The following YEATS4 variants were observed in gnomAD, a reference collection of about 807,000 sequenced individuals.
YEATS4 encodes YEATS domain-containing protein 4.
A neutral mutation model predicts 30.1 loss-of-function variants in YEATS4; 17 were observed. The ratio of observed to expected loss-of-function variants is 0.56; its 90% CI spans 0.39 to 0.85. The LOEUF (loss-of-function observed/expected upper bound fraction) is 0.85, where lower values mean the gene tolerates loss of function less well. Ranked by LOEUF, YEATS4 falls within the 40% of genes least tolerant of loss-of-function variation. The pLI, the probability that YEATS4 is intolerant of heterozygous loss-of-function variation, is 0.00. For synonymous variants in YEATS4, 85 were observed against 87.5 expected (o/e 0.97, Z 0.16); for missense variants, 142 against 268.3 (o/e 0.53, Z 3.29).
chr12:69,366,257 T>C (rs1369084290), intron 4 of YEATS4, among the ~76,000 whole-genome samples: 1 of 152,206 alleles, frequency 6.6e-6, no homozygotes, highest in Non-Finnish European at 1.5e-5. Flanking sequence ...AACAGTGTTT[T>C]TGCTTTTTTA....
rs140092132 is a variant in YEATS4 at position 69,379,245 on chromosome 12, T to G, written c.514+8270T>G. 4.8e-3 allele frequency among the ~76,000 whole-genome samples: 738 copies of G among 152,318 alleles called. 4 individuals carry two copies. The highest frequency in any genetic ancestry group is 0.017 in the African/African-American group (708 of 41,574). ...TATAAACTGCCTTGAGGTAGTCTTC[T>G]GTGTGTTAAATCTCCTTGGTGTTCT... On this transcript the variant is annotated intron_variant, in intron 6 of 6. Transcript: ENST00000247843.
the YEATS4 span, among the ~76,000 whole-genome samples, chr12:69,406,327 G>A: frequency 2.0e-5 from 3 of 152,044 alleles, no homozygotes; most frequent in Admixed American, 6.6e-5. Context: ...TTTTGTTTAA[G>A]TATTTTGTTT....
At chr12:69,425,453 A>G in the YEATS4 span, among the ~76,000 whole-genome samples, 1 of 152,182 alleles carries the variant, frequency 6.6e-6, no homozygotes, top group Non-Finnish European at 1.5e-5. Context: ...CTGCTTGCAG[A>G]ATGGACAGCT....
the YEATS4 span, among the ~76,000 whole-genome samples, chr12:69,399,650 G>C: frequency 6.6e-6 from 1 of 152,120 alleles, no homozygotes; most frequent in South Asian, 2.1e-4. Flanking sequence ...ATATACCCAG[G>C]AGAATTGAAA....
chr12:69,418,095 C>T, the YEATS4 span, among the ~76,000 whole-genome samples: 2 of 152,098 alleles, frequency 1.3e-5, no homozygotes, highest in African/African-American at 4.8e-5. Context: ...GGGATTGTCT[C>T]CTATTTGGGA....
intron 1 of YEATS4, among the ~76,000 whole-genome samples, chr12:69,360,254 TA>T (rs1470696511): frequency 6.6e-6 from 1 of 151,918 alleles, no homozygotes; most frequent in Non-Finnish European, 1.5e-5. Context: ...AACAAACAGA[TA>T]AATGGTGGCT....
the YEATS4 span, among the ~76,000 whole-genome samples, chr12:69,417,152 AAAT>A: frequency 8.3e-6 from 1 of 120,958 alleles, no homozygotes; most frequent in South Asian, 3.1e-4. Flanking sequence ...CATTTTTTAA[AAAT>A]TTTTTTTTTT....
the YEATS4 span, among the ~76,000 whole-genome samples, chr12:69,396,461 G>A: frequency 1.3e-5 from 2 of 152,078 alleles, no homozygotes; most frequent in African/African-American, 2.4e-5. Flanking sequence ...AAATCAACTG[G>A]GAAACAAACT....
chr12:69,401,548 A>C, the YEATS4 span, among the ~76,000 whole-genome samples: 1 of 152,170 alleles, frequency 6.6e-6, no homozygotes, highest in South Asian at 2.1e-4. Context: ...GGAGTCCTGG[A>C]AGGACATGCC....
the YEATS4 span, among the ~76,000 whole-genome samples, chr12:69,425,722 A>G: frequency 6.6e-6 from 1 of 152,108 alleles, no homozygotes; most frequent in Non-Finnish European, 1.5e-5. Context: ...GACCAAAGAG[A>G]GACAGGAGGT....
chr12:69,417,436 A>G, the YEATS4 span, among the ~76,000 whole-genome samples: 4 of 152,106 alleles, frequency 2.6e-5, no homozygotes, highest in Non-Finnish European at 5.9e-5. Context: ...CTGGGATTAC[A>G]CATGTGAGCC....
chr12:69,408,352 C>T, the YEATS4 span, among the ~76,000 whole-genome samples: 22 of 152,134 alleles, frequency 1.4e-4, no homozygotes, highest in East Asian at 2.1e-3. Context: ...GTGTGGATGA[C>T]GGGAGAGAGA....
At chr12:69,388,909 C>G (rs1340406119) in intron 6 of YEATS4, among the ~76,000 whole-genome samples, 1 of 152,096 alleles carries the variant, frequency 6.6e-6, no homozygotes. Flanking sequence ...TTGCAGTGAG[C>G]CAAGATCACA....
At position 69,370,805 on chromosome 12, in the gene YEATS4, A is replaced by G; in HGVS notation, c.426+7A>G. On this transcript the variant is annotated splice_region_variant and intron_variant, in intron 5 of 6. Transcript: ENST00000247843. ...AGAGTTCTATGATGAAATGGTAAGAAGATTTTATAATGATAGTTTTAAAAG... is the reference window on the plus strand; with the variant it reads ...AGAGTTCTATGATGAAATGGTAAGAGGATTTTATAATGATAGTTTTAAAAG... The G allele has an allele frequency of 6.3e-7, 1 of 1,596,074 alleles. No homozygotes were observed. Among genetic ancestry groups the G allele is most frequent in the South Asian group, 1.1e-5 (1 of 87,244 alleles).
the YEATS4 span, among the ~76,000 whole-genome samples, chr12:69,408,102 G>A: frequency 5.3e-5 from 8 of 152,302 alleles, no homozygotes; most frequent in East Asian, 1.4e-3. Flanking sequence ...TGAATCGGAA[G>A]AGAACTATCA....
chr12:69,387,528 CTGAG>C (rs1246547570), intron 6 of YEATS4, among the ~76,000 whole-genome samples: 1 of 152,156 alleles, frequency 6.6e-6, no homozygotes, highest in Non-Finnish European at 1.5e-5. Flanking sequence ...TGGAGATACT[CTGAG>C]TGTACATCAA....
chr12:69,411,891 G>A, the YEATS4 span, among the ~76,000 whole-genome samples: 1 of 152,240 alleles, frequency 6.6e-6, no homozygotes, highest in Non-Finnish European at 1.5e-5. Flanking sequence ...TGAGGTCATG[G>A]TGGATACTGG....
At chr12:69,412,784 G>T in the YEATS4 span, among the ~76,000 whole-genome samples, 1 of 152,180 alleles carries the variant, frequency 6.6e-6, no homozygotes, top group African/African-American at 2.4e-5. Context: ...GCTACAGAGT[G>T]CCTTCCTGAA....
intron 2 of YEATS4, among the ~76,000 whole-genome samples, chr12:69,364,966 A>T (rs1328219199): frequency 6.6e-6 from 1 of 152,126 alleles, no homozygotes; most frequent in East Asian, 1.9e-4. Context: ...GATTTGCCTT[A>T]TATTTCTGTA....
Sources: allele counts gnomAD v4.1 joint callset (sites outside exome capture counted in the v4.1 genomes callset), GRCh38; gene constraint gnomAD v4.1.1; transcripts MANE v1.5; gene names NCBI Gene and HGNC (gene_info 2026-07-23, HGNC 2026-07-21).